Variants in ZDHHC11 observed in about 807,000 individuals in gnomAD.
ZDHHC11 encodes zDHHC palmitoyltransferase 11, also known as palmitoyltransferase ZDHHC11.
ZDHHC11 carries 44 observed loss-of-function variants against 51.3 expected under a neutral mutation model. That is an observed-to-expected ratio of 0.86 (90% confidence interval 0.67 to 1.10). ZDHHC11 has a LOEUF of 1.10. Among genes scored for constraint, ZDHHC11 ranks in the 50% least tolerant of loss-of-function variants. The pLI, the probability that ZDHHC11 is intolerant of heterozygous loss-of-function variation, is 0.00. For synonymous variants in ZDHHC11, 163 were observed against 222.0 expected, an observed-to-expected ratio of 0.73 and a Z score of 2.36; for missense variants, 400 against 537.7, an observed-to-expected ratio of 0.74 and a Z score of 2.53.
At position 837,997 on chromosome 5, in the gene ZDHHC11, T is replaced by A. The variant is rs191760582; in HGVS notation, c.785-517A>T. Among the ~76,000 whole-genome samples the A allele has an allele frequency of 7.5e-3, 1,138 of 152,008 alleles. 44 individuals carry two copies. Among genetic ancestry groups the A allele is most frequent in the Admixed American group, 0.063 (955 of 15,260 alleles). On this transcript the variant is annotated intron_variant, in intron 5 of 12. Coordinates refer to ENST00000283441, the MANE Select transcript of ZDHHC11 (RefSeq NM_024786.3). ...ACCCCACAGTCGGAGGACCACGCAG[T>A]GGGGCGGCCACCCCGAGGTGCTGGC...
intron 1 of ZDHHC11, 68 bp from the exon 2 acceptor site, chr5:848,728 C>G (rs1746650542): frequency 2.5e-6 from 4 of 1,589,362 alleles, no homozygotes; most frequent in South Asian, 1.1e-5. Flanking sequence ...CCGTGAGGCC[C>G]AAGGGCCCAG....
rs371455202 is a variant in ZDHHC11, at chr5:821,828, G to A, written c.1058+33C>T. On this transcript the variant is annotated intron_variant, in intron 9 of 12. Coordinates refer to ENST00000283441, the MANE Select transcript of ZDHHC11 (RefSeq NM_024786.3). ...CGAGTGTATAACTATGTTACTAATAGATAAAATAATCCCATTAAACTTACA... is the reference window on the plus strand; with the variant it reads ...CGAGTGTATAACTATGTTACTAATAAATAAAATAATCCCATTAAACTTACA... The A allele has an allele frequency of 4.1e-4, 646 of 1,572,324 alleles. 3 individuals carry two copies. The highest frequency in any genetic ancestry group is 5.0e-4 in the Non-Finnish European group (578 of 1,146,696).
rs1333141263 is a variant in ZDHHC11 at position 796,011 on chromosome 5, C to A, written c.*577G>T. Reference sequence around the variant, plus strand: ...ATTTCTCAGTAGTGTACTCCCATTTCTCAGTACTGTGCTCCCACTTCTCAG... The same window carrying A: ...ATTTCTCAGTAGTGTACTCCCATTTATCAGTACTGTGCTCCCACTTCTCAG... On this transcript the variant is annotated 3_prime_UTR_variant, in exon 13 of 13. Coordinates refer to ENST00000283441, the MANE Select transcript of ZDHHC11 (RefSeq NM_024786.3). 1.3e-5 allele frequency: 2 copies of A among 155,546 alleles called. No individual in the cohort carries two copies. Among genetic ancestry groups the A allele is most frequent in the Middle Eastern group, 1.0e-3 (2 of 1,936 alleles). The allele number at this position is 155,546 out of a possible 1,614,324, so 9.6% of individuals were successfully genotyped here. A position where few individuals can be genotyped will look rare whatever the true frequency, so the allele number is the denominator to read the frequency against.
chr5:806,875 T>C (rs576972184), intron 11 of ZDHHC11, among the ~76,000 whole-genome samples: 7 of 151,204 alleles, frequency 4.6e-5, no homozygotes, highest in Admixed American at 2.0e-4. Flanking sequence ...CATGAAGCAA[T>C]AGGACTTCTT....
At position 801,167 on chromosome 5, in the gene ZDHHC11, G is replaced by C; in HGVS notation, c.1182-3C>G. 6.2e-7 allele frequency: 1 copy of C among 1,610,816 alleles called. No individual in the cohort carries two copies. The highest frequency in any genetic ancestry group is 8.5e-7 in the Non-Finnish European group (1 of 1,177,842). On this transcript the variant is annotated splice_region_variant and splice_polypyrimidine_tract_variant and intron_variant, in intron 11 of 12. Transcript: ENST00000283441. The stretch of plus-strand genomic sequence containing the variant: ...GCTCTGTTGTTTCTTGTTGCAGCCT[G>C]TTTGCAATATTCAGAAAGAGAAACA...
chr5:821,714 G>T, intron 9 of ZDHHC11, 147 bp downstream of exon 9: 1 of 723,904 alleles, frequency 1.4e-6, no homozygotes. Context: ...CAGTTTTGCT[G>T]CTCTCTCGAA....
intron 11 of ZDHHC11, among the ~76,000 whole-genome samples, chr5:802,929 G>C (rs1185685293): frequency 6.8e-6 from 1 of 146,288 alleles, no homozygotes; most frequent in South Asian, 2.2e-4. Flanking sequence ...GCTGAGGCAG[G>C]AGAATGGTGT....
chr5:852,078 GA>G, upstream of ZDHHC11, among the ~76,000 whole-genome samples: 1 of 149,328 alleles, frequency 6.7e-6, no homozygotes, highest in African/African-American at 2.5e-5. Context: ...AAGAAAGAAA[GA>G]AAAGTCAAAG....
intron 4 of ZDHHC11, chr5:841,714 G>T (rs947705436): frequency 2.5e-5 from 25 of 992,558 alleles, no homozygotes; most frequent in Non-Finnish European, 2.9e-5. Flanking sequence ...GGTCCTCTGT[G>T]ACACTGGGCT....
intron 9 of ZDHHC11, among the ~76,000 whole-genome samples, chr5:820,742 G>A (rs1432265374): frequency 6.6e-6 from 1 of 151,482 alleles, no homozygotes; most frequent in Non-Finnish European, 1.5e-5. Flanking sequence ...ACTGGACAAA[G>A]TCATCTGAAA....
Position 816,326 on chromosome 5 carries a change from G to T in ZDHHC11, c.1147-1531C>A, listed in dbSNP as rs1008475412. ...AAGATCACAAAGATATTCTCTGGAG[G>T]GAGACTCAGAGGCGGACAGATGGCG... On this transcript the variant is annotated intron_variant, in intron 10 of 12. Coordinates refer to ENST00000283441, the MANE Select transcript of ZDHHC11 (RefSeq NM_024786.3). 35 of 341,238 alleles carry T rather than the reference G, an allele frequency of 1.0e-4. 1 individual carries two copies. The highest frequency in any genetic ancestry group is 7.5e-4 in the African/African-American group (35 of 46,504). The allele number at this position is 341,238 out of a possible 1,614,324, so 21.1% of individuals were successfully genotyped here.
At chr5:852,507 G>A (rs1747373594), upstream of ZDHHC11, among the ~76,000 whole-genome samples, 1 of 152,268 alleles carries the variant, frequency 6.6e-6, no homozygotes, top group African/African-American at 2.4e-5. Flanking sequence ...CCCCACAGAG[G>A]ACAACGAGCA....
intron 10 of ZDHHC11, among the ~76,000 whole-genome samples, 177 bp from the exon 11 acceptor site, chr5:814,972 A>G (rs536956133): frequency 2.0e-5 from 3 of 151,646 alleles, no homozygotes; most frequent in East Asian, 3.9e-4. Context: ...CAATCCTTGT[A>G]TTATGGGCTG....
chr5:803,385 C>T (rs1738773043), intron 11 of ZDHHC11, among the ~76,000 whole-genome samples: 1 of 151,022 alleles, frequency 6.6e-6, no homozygotes, highest in Non-Finnish European at 1.5e-5. Flanking sequence ...TTTGATAGTT[C>T]ACTAACTGGT....
upstream of ZDHHC11, among the ~76,000 whole-genome samples, chr5:854,705 G>T (rs949457518): frequency 1.4e-5 from 2 of 148,026 alleles, no homozygotes; most frequent in Admixed American, 1.3e-4. Context: ...AAGCCGGGGG[G>T]ACAGACCGCA....
chr5:852,264 G>A (rs930934447), upstream of ZDHHC11, among the ~76,000 whole-genome samples: 1 of 152,242 alleles, frequency 6.6e-6, no homozygotes, highest in African/African-American at 2.4e-5. Flanking sequence ...TTAGAGAGGA[G>A]AAGAGGGGAA....
At position 831,138 on chromosome 5, in the gene ZDHHC11, T is replaced by G. The variant is rs1232425724; in HGVS notation, c.935+2635A>C. Among the ~76,000 whole-genome samples, 2 of 149,328 alleles carry G rather than the reference T, an allele frequency of 1.3e-5. 1 individual carries two copies. The highest frequency in any genetic ancestry group is 3.0e-5 in the Non-Finnish European group (2 of 67,098). On this transcript the variant is annotated intron_variant, in intron 7 of 12. Coordinates refer to ENST00000283441, the MANE Select transcript of ZDHHC11 (RefSeq NM_024786.3). ...AGATGCAATTTAGCTTAATTTATCT[T>G]TATTTTAAATAAGTACCTTCTGCAC...
At chr5:854,054 A>C (rs1221108265), upstream of ZDHHC11, among the ~76,000 whole-genome samples, 20 of 137,090 alleles carry the variant, frequency 1.5e-4, no homozygotes, top group African/African-American at 5.4e-4. Context: ...GACAGTGAGC[A>C]GCCGGGACAG....
chr5:814,656 C>G, intron 11 of ZDHHC11, 105 bp downstream of exon 11: 3 of 1,227,892 alleles, frequency 2.4e-6, no homozygotes, highest in Non-Finnish European at 3.3e-6. Flanking sequence ...CTTATGTCAT[C>G]AGATTATTTG....
Sources: gnomAD v4.1 joint callset for allele counts (sites outside exome capture counted in the v4.1 genomes callset) on GRCh38, gnomAD v4.1.1 for gene constraint, MANE v1.5 for transcripts, NCBI Gene and HGNC (gene_info 2026-07-23, HGNC 2026-07-21) for gene names.